The following KHDRBS2 variants were observed in gnomAD, a reference collection of about 807,000 sequenced individuals.
KHDRBS2 encodes KH domain-containing, RNA-binding, signal transduction-associated protein 2.
Under a neutral mutation model 44.3 loss-of-function variants are expected in KHDRBS2, and 26 were observed. The observed-to-expected ratio is 0.59, with a 90% CI of 0.43 to 0.81. The LOEUF (loss-of-function observed/expected upper bound fraction) is 0.81, where lower values mean the gene tolerates loss of function less well. Among genes scored for constraint, KHDRBS2 ranks in the 40% least tolerant of loss-of-function variants. The pLI, the probability that KHDRBS2 is intolerant of heterozygous loss-of-function variation, is 0.00. For missense variants in KHDRBS2, 476 were observed against 433.1 expected, an observed-to-expected ratio of 1.10 and a Z score of -0.88; for synonymous variants, 194 against 151.1, an observed-to-expected ratio of 1.28 and a Z score of -2.08.
At chr6:61,557,262 TC>T in the KHDRBS2 span, among the ~76,000 whole-genome samples, 1 of 152,188 alleles carries the variant, frequency 6.6e-6, no homozygotes, top group African/African-American at 2.4e-5. Flanking sequence ...GTAATGCTCT[TC>T]ACAGATATTA....
intron 6 of KHDRBS2, among the ~76,000 whole-genome samples, chr6:61,839,843 G>A (rs1048086140): frequency 6.6e-6 from 1 of 152,022 alleles, no homozygotes; most frequent in African/African-American, 2.4e-5. Context: ...AGGTAAGAAA[G>A]AAATATGAAG....
In KHDRBS2 at chr6:62,098,919, A is replaced by T. The variant is rs530328939; in HGVS notation, c.220-50925T>A. 1.8e-4 allele frequency among the ~76,000 whole-genome samples: 27 copies of T among 150,402 alleles called. No individual in the cohort carries two copies. The South Asian group carries it at 5.5e-3, about 30-fold the overall frequency. On this transcript the variant is annotated intron_variant, in intron 2 of 8. Transcript: ENST00000281156. ...TTCTAATTGATGTAGTCTGCTGTTG[A>T]TGCTCTCTATTATATTTTTTATTTA...
At chr6:61,694,232 T>C (rs1767664150) in intron 8 of KHDRBS2, among the ~76,000 whole-genome samples, 1 of 152,196 alleles carries the variant, frequency 6.6e-6, no homozygotes, top group Non-Finnish European at 1.5e-5. Context: ...TCTCTAAGAT[T>C]GAGATCAATG....
In KHDRBS2 at chr6:61,965,457, A is replaced by G. The variant is rs1427160334; in HGVS notation, c.483+12609T>C. On this transcript the variant is annotated intron_variant, in intron 4 of 8. Coordinates refer to ENST00000281156, the MANE Select transcript of KHDRBS2 (RefSeq NM_152688.4). ...AGAAACGTGTAGTTTTCGGGTTAAC[A>G]TTATTCCCTACAGTTTCTTCTTTTT... 2.0e-5 allele frequency among the ~76,000 whole-genome samples: 3 copies of G among 152,146 alleles called. No homozygotes were observed. In the East Asian group the frequency reaches 5.8e-4, roughly 29 times the overall value.
intron 4 of KHDRBS2, among the ~76,000 whole-genome samples, chr6:61,957,310 C>G (rs1401395965): frequency 6.6e-6 from 1 of 152,148 alleles, no homozygotes; most frequent in Non-Finnish European, 1.5e-5. Flanking sequence ...GATAAAAGAA[C>G]AGGATAACAG....
intron 3 of KHDRBS2, among the ~76,000 whole-genome samples, chr6:61,999,983 T>A (rs1256750183): frequency 6.6e-6 from 1 of 152,204 alleles, no homozygotes; most frequent in Non-Finnish European, 1.5e-5. Flanking sequence ...TATTATACTG[T>A]ATTCTCATCT....
chr6:62,110,216 C>T (rs1804680404), intron 2 of KHDRBS2, among the ~76,000 whole-genome samples: 1 of 151,996 alleles, frequency 6.6e-6, no homozygotes, highest in African/African-American at 2.4e-5. Context: ...AACTTCCATA[C>T]ATTGTTGATG....
At chr6:61,554,359 T>C in the KHDRBS2 span, among the ~76,000 whole-genome samples, 8 of 152,094 alleles carry the variant, frequency 5.3e-5, no homozygotes, top group African/African-American at 1.9e-4. Flanking sequence ...ATTTGCTTGG[T>C]AAATTTTTCC....
chr6:62,043,208 C>T (rs1250292344), intron 3 of KHDRBS2, among the ~76,000 whole-genome samples: 2 of 151,988 alleles, frequency 1.3e-5, no homozygotes, highest in African/African-American at 2.4e-5. Context: ...CCTCTGTTCT[C>T]CCTCACCAGT....
intron 4 of KHDRBS2, among the ~76,000 whole-genome samples, chr6:61,955,459 C>CGT (rs1562519754): frequency 1.8e-4 from 20 of 112,220 alleles, no homozygotes; most frequent in Admixed American, 2.9e-4. Context: ...TGTATATATA[C>CGT]ATATGTGTAT....
At chr6:62,043,893 T>C (rs1452626764) in intron 3 of KHDRBS2, among the ~76,000 whole-genome samples, 2 of 152,186 alleles carry the variant, frequency 1.3e-5, no homozygotes, top group East Asian at 3.9e-4. Flanking sequence ...AATGAGTTTG[T>C]CATTCTATCT....
chr6:62,190,744 C>T (rs557701473), intron 1 of KHDRBS2, among the ~76,000 whole-genome samples: 1 of 152,218 alleles, frequency 6.6e-6, no homozygotes, highest in Admixed American at 6.6e-5. Flanking sequence ...TCACTATCTT[C>T]TCTTTTACCA....
chr6:61,634,482 T>C, the KHDRBS2 span, among the ~76,000 whole-genome samples: 307 of 152,096 alleles, frequency 2.0e-3, 2 homozygotes, highest in African/African-American at 6.9e-3. Flanking sequence ...ATGAAACCTG[T>C]GGTGTTGCAT....
At chr6:61,792,681 C>CAA (rs977757104) in intron 6 of KHDRBS2, among the ~76,000 whole-genome samples, 1 of 151,362 alleles carries the variant, frequency 6.6e-6, no homozygotes, top group African/African-American at 2.4e-5. Context: ...GAAAACACAC[C>CAA]AAAAAAACTT....
intron 2 of KHDRBS2, among the ~76,000 whole-genome samples, chr6:62,072,569 A>C (rs1562790820): frequency 6.6e-6 from 1 of 152,104 alleles, no homozygotes. Context: ...GAATTTTGTC[A>C]ATGGCCTTTT....
At chr6:61,819,797 A>G (rs554942751) in intron 6 of KHDRBS2, among the ~76,000 whole-genome samples, 3 of 152,192 alleles carry the variant, frequency 2.0e-5, no homozygotes, top group African/African-American at 7.2e-5. Flanking sequence ...ATGAGGCAAG[A>G]TAAGTCTGAA....
chr6:61,596,878 T>G, the KHDRBS2 span, among the ~76,000 whole-genome samples: 39 of 152,134 alleles, frequency 2.6e-4, no homozygotes, highest in African/African-American at 8.7e-4. Flanking sequence ...TCTCAATCTC[T>G]TGACCTCGTG....
At chr6:62,026,882 T>C (rs1321917744) in intron 3 of KHDRBS2, among the ~76,000 whole-genome samples, 1 of 152,182 alleles carries the variant, frequency 6.6e-6, no homozygotes, top group Admixed American at 6.6e-5. Context: ...GCCTAATTTT[T>C]TTTATTAGTG....
chr6:61,616,402 G>C, the KHDRBS2 span, among the ~76,000 whole-genome samples: 2 of 151,224 alleles, frequency 1.3e-5, no homozygotes, highest in African/African-American at 4.9e-5. Flanking sequence ...AAAATGAAAT[G>C]GGATGACCCT....
Sources: allele counts gnomAD v4.1 joint callset (sites outside exome capture counted in the v4.1 genomes callset), GRCh38; gene constraint gnomAD v4.1.1; transcripts MANE v1.5; gene names NCBI Gene and HGNC (gene_info 2026-07-23, HGNC 2026-07-21).